The following UNC13C variants were observed in gnomAD, a reference collection of about 807,000 sequenced individuals.
The protein encoded by UNC13C is protein unc-13 homolog C.
In UNC13C, 174 loss-of-function variants were observed where a neutral mutation model predicts 245.4. The observed-to-expected ratio is 0.71, with a 90% confidence interval of 0.63 to 0.80. The LOEUF (loss-of-function observed/expected upper bound fraction) is 0.80. Among genes scored for constraint, UNC13C ranks in the 30% least tolerant of loss-of-function variants. UNC13C has a pLI of 0.00. For synonymous variants in UNC13C, 992 were observed against 895.1 expected (o/e 1.11, Z -1.93); for missense variants, 2,829 against 2,602.9 (o/e 1.09, Z -1.89).
At chr15:54,061,242 A>G (rs1277674860) in intron 2 of UNC13C, among the ~76,000 whole-genome samples, 1 of 152,144 alleles carries the variant, frequency 6.6e-6, no homozygotes, top group Non-Finnish European at 1.5e-5. Flanking sequence ...GGACTAGAGT[A>G]CTAGAAAGGT....
chr15:54,336,647 T>C (rs1362795204), intron 16 of UNC13C, among the ~76,000 whole-genome samples: 1 of 152,100 alleles, frequency 6.6e-6, no homozygotes, highest in African/African-American at 2.4e-5. Context: ...TGTTTTTGTT[T>C]GATATAAGGT....
At chr15:54,126,378 A>G (rs2031039259) in intron 2 of UNC13C, among the ~76,000 whole-genome samples, 1 of 152,200 alleles carries the variant, frequency 6.6e-6, no homozygotes, top group African/African-American at 2.4e-5. Context: ...ACTAACAAAG[A>G]GGCACATTAT....
rs1336084357 is a variant in UNC13C, at chr15:54,627,301, T to C, written c.*188T>C. ...TGGTCTTTGGGAAATCAGTGTTCCA[T>C]GAAGTGCCAAAATTATGATGTAAAG... is the stretch of plus-strand genomic sequence containing the variant. On this transcript the variant is annotated 3_prime_UTR_variant, in exon 33 of 33. Transcript: ENST00000260323. The C allele has an allele frequency of 4.0e-6, 2 of 503,312 alleles. No homozygotes were observed. The highest frequency in any genetic ancestry group is 3.8e-5 in the African/African-American group (2 of 52,386). The allele number at this position is 503,312 out of a possible 1,614,324, so 31.2% of individuals were successfully genotyped here.
In UNC13C at chr15:54,610,298, C is replaced by T. The variant is rs529918927; in HGVS notation, c.6107-12029C>T. On this transcript the variant is annotated intron_variant, in intron 30 of 32. Transcript: ENST00000260323. ...TCGCCCAGGCAGGAGCACAGTGGCGCGATCTCGGCTCACTTCAGCCTCCGC... is the reference window on the plus strand; with the variant it reads ...TCGCCCAGGCAGGAGCACAGTGGCGTGATCTCGGCTCACTTCAGCCTCCGC... 2.1e-3 allele frequency among the ~76,000 whole-genome samples: 321 copies of T among 152,074 alleles called. 1 individual carries two copies. The highest frequency in any genetic ancestry group is 2.9e-3 in the East Asian group (15 of 5,164).
intron 19 of UNC13C, among the ~76,000 whole-genome samples, chr15:54,447,007 T>C (rs965966874): frequency 1.1e-4 from 16 of 152,334 alleles, no homozygotes; most frequent in African/African-American, 2.6e-4. Context: ...TGAAGGGCTG[T>C]TGAATTTTGT....
At chr15:54,035,916 A>G (rs1033256931) in intron 2 of UNC13C, among the ~76,000 whole-genome samples, 1 of 152,038 alleles carries the variant, frequency 6.6e-6, no homozygotes, top group Non-Finnish European at 1.5e-5. Context: ...AGAGAAGATG[A>G]AGATATGGTC....
intron 1 of UNC13C, among the ~76,000 whole-genome samples, chr15:53,992,708 T>C (rs574854898): frequency 1.2e-4 from 18 of 152,236 alleles, no homozygotes; most frequent in South Asian, 2.1e-4. Flanking sequence ...TTCCTGGACC[T>C]GGTGCTCAGC....
intron 2 of UNC13C, among the ~76,000 whole-genome samples, chr15:54,110,663 A>G (rs1233426465): frequency 6.6e-6 from 1 of 152,222 alleles, no homozygotes; most frequent in Non-Finnish European, 1.5e-5. Context: ...AAAATTAATT[A>G]TTAGTTTTCC....
the UNC13C span, among the ~76,000 whole-genome samples, chr15:53,960,718 T>G: frequency 2.0e-5 from 3 of 152,038 alleles, no homozygotes; most frequent in Admixed American, 6.6e-5. Context: ...TTATCAGTTT[T>G]TATAGTCAGT....
chr15:54,260,270 C>A (rs944709681), intron 8 of UNC13C, among the ~76,000 whole-genome samples: 2 of 152,100 alleles, frequency 1.3e-5, no homozygotes, highest in African/African-American at 4.8e-5. Context: ...CCACAGAAAT[C>A]TGCTAATACT....
Position 54,412,643 on chromosome 15 carries a change from T to G in UNC13C, c.4848-2339T>G, listed in dbSNP as rs550740946. Among the ~76,000 whole-genome samples, 19 of 152,350 alleles carry G rather than the reference T, an allele frequency of 1.2e-4. 1 individual carries two copies. The highest frequency in any genetic ancestry group is 3.8e-4 in the African/African-American group (16 of 41,572). ...TACATGATTTTATATTCTGTGACCT[T>G]ATATTTTGTAGCTTCTTAAATTAGT... On this transcript the variant is annotated intron_variant, in intron 18 of 32. Coordinates refer to ENST00000260323, the MANE Select transcript of UNC13C (RefSeq NM_001080534.3).
chr15:54,390,831 C>T (rs1468570475), intron 17 of UNC13C, among the ~76,000 whole-genome samples: 2 of 151,886 alleles, frequency 1.3e-5, no homozygotes, highest in African/African-American at 4.8e-5. Flanking sequence ...TATAATACAC[C>T]AGATGAGACC....
chr15:54,184,791 G>T (rs376217338), intron 4 of UNC13C, among the ~76,000 whole-genome samples: 1 of 152,148 alleles, frequency 6.6e-6, no homozygotes, highest in South Asian at 2.1e-4. Flanking sequence ...CCAGTAATGG[G>T]ATGGCTGGGT....
At chr15:54,412,873 A>G (rs1233233080) in intron 18 of UNC13C, among the ~76,000 whole-genome samples, 2 of 152,192 alleles carry the variant, frequency 1.3e-5, no homozygotes, top group Non-Finnish European at 2.9e-5. Context: ...ATCCTTAAGT[A>G]TCAAGTGTGA....
the UNC13C span, chr15:53,914,750 C>A: frequency 6.6e-6 from 1 of 152,204 alleles, no homozygotes; most frequent in Non-Finnish European, 1.5e-5. Context: ...CTTGCCCACC[C>A]ACTCCCTCCA....
rs749163670 is a variant in UNC13C, at chr15:54,338,493, A to G, written c.4713+4A>G. On this transcript the variant is annotated splice_donor_region_variant and intron_variant, in intron 17 of 32. Coordinates refer to ENST00000260323, the MANE Select transcript of UNC13C (RefSeq NM_001080534.3). ...CTACTCCCAGCTAACAGACCCGGTA[A>G]GAAAATATGTATGTCTTTTATAATC... 51 of 1,612,380 alleles carry G rather than the reference A, an allele frequency of 3.2e-5. No homozygotes were observed. Among genetic ancestry groups the G allele is most frequent in the East Asian group, 2.5e-4 (11 of 44,880 alleles).
chr15:54,377,795 G>T (rs1298178007), intron 17 of UNC13C, among the ~76,000 whole-genome samples: 1 of 152,132 alleles, frequency 6.6e-6, no homozygotes, highest in Non-Finnish European at 1.5e-5. Context: ...CCACCCCCAT[G>T]ATGACCTAAC....
chr15:54,223,619 CTT>C (rs1178305357), intron 4 of UNC13C, among the ~76,000 whole-genome samples: 1 of 151,808 alleles, frequency 6.6e-6, no homozygotes, highest in Non-Finnish European at 1.5e-5. Context: ...TATCCTGAGT[CTT>C]TTGCAATTCC....
the UNC13C span, among the ~76,000 whole-genome samples, chr15:53,963,390 C>A: frequency 6.6e-6 from 1 of 152,194 alleles, no homozygotes; most frequent in Non-Finnish European, 1.5e-5. Context: ...TCAAGCCTGC[C>A]TGGGTTTGAA....
Sources: gnomAD v4.1 joint callset for allele counts (sites outside exome capture counted in the v4.1 genomes callset) on GRCh38, gnomAD v4.1.1 for gene constraint, MANE v1.5 for transcripts, NCBI Gene and HGNC (gene_info 2026-07-23, HGNC 2026-07-21) for gene names.